Variants in MTERF4 observed in about 807,000 individuals in gnomAD.
MTERF4 encodes transcription termination factor 4, mitochondrial.
MTERF4 carries 17 observed loss-of-function variants against 22.5 expected under a neutral mutation model. The ratio of observed to expected loss-of-function variants is 0.75; its 90% CI spans 0.52 to 1.13. MTERF4 has a LOEUF of 1.13. MTERF4 is among the 50% of genes most tolerant of loss of function. The pLI is 0.00. For synonymous variants in MTERF4, 165 were observed against 175.3 expected (o/e 0.94, Z 0.47); for missense variants, 420 against 466.8 (o/e 0.90, Z 0.92).
chr2:241,066,497 G>A, the MTERF4 span, among the ~76,000 whole-genome samples: 2 of 152,236 alleles, frequency 1.3e-5, no homozygotes, highest in African/African-American at 4.8e-5. Context: ...GCAGGGCCAT[G>A]GGGCCATGGG....
At chr2:241,077,034 G>A (rs1385418055) in intron 4 of MTERF4, among the ~76,000 whole-genome samples, 1 of 151,440 alleles carries the variant, frequency 6.6e-6, no homozygotes, top group African/African-American at 2.4e-5. Flanking sequence ...AGCTGAGATT[G>A]CGCCACTGCA....
chr2:241,100,416 G>A (rs901012079), intron 1 of MTERF4, among the ~76,000 whole-genome samples: 2 of 152,090 alleles, frequency 1.3e-5, no homozygotes, highest in African/African-American at 4.8e-5. Flanking sequence ...AAGACCTTAT[G>A]AGGATCTACT....
the MTERF4 span, chr2:241,053,021 C>A: frequency 1.2e-6 from 1 of 842,542 alleles, no homozygotes; most frequent in Admixed American, 2.7e-5. Flanking sequence ...AGTCGAGGCA[C>A]CTTTCCCCGG....
At chr2:241,078,950 C>T (rs1311793594) in intron 4 of MTERF4, among the ~76,000 whole-genome samples, 1 of 150,548 alleles carries the variant, frequency 6.6e-6, no homozygotes, top group African/African-American at 2.4e-5. Context: ...CCTGTCTCTA[C>T]TAAAAATACA....
chr2:241,051,962 G>A, the MTERF4 span: 2 of 1,497,868 alleles, frequency 1.3e-6, no homozygotes, highest in Admixed American at 1.9e-5. This position sits in a 1 kb window ranked among gnomAD's most constrained non-coding sequence, Gnocchi z 4.7. Context: ...TGCTTCTCAT[G>A]AAGAGGCCCC....
At chr2:241,049,509 A>G in the MTERF4 span, among the ~76,000 whole-genome samples, 2 of 152,236 alleles carry the variant, frequency 1.3e-5, no homozygotes, top group African/African-American at 4.8e-5. Context: ...TGCATCACGT[A>G]TAGTTATATA....
the MTERF4 span, chr2:241,052,461 C>A: frequency 1.3e-6 from 2 of 1,596,890 alleles, no homozygotes; most frequent in Non-Finnish European, 1.7e-6. Context: ...GACGCCGGTG[C>A]CAGGCAGGTG....
chr2:241,052,422 C>T, the MTERF4 span: 1 of 1,607,922 alleles, frequency 6.2e-7, no homozygotes, highest in Non-Finnish European at 8.5e-7. Flanking sequence ...ACACGGATTT[C>T]TTCTGCCACT....
At chr2:241,087,854 G>A, downstream of MTERF4, 2 of 477,228 alleles carry the variant, frequency 4.2e-6, no homozygotes, top group East Asian at 6.8e-5. Flanking sequence ...TCCACAAAGG[G>A]TTCAAGGTAG....
At chr2:241,052,301 G>A in the MTERF4 span, 5 of 1,501,520 alleles carry the variant, frequency 3.3e-6, no homozygotes, top group South Asian at 6.2e-5. Flanking sequence ...GCCCCACACA[G>A]TCCCGAGCCT....
downstream of MTERF4, chr2:241,087,517 C>A (rs2063643171): frequency 6.4e-7 from 1 of 1,567,754 alleles, no homozygotes; most frequent in South Asian, 1.2e-5. Context: ...CTGCATGTAG[C>A]CCACAGGGTG....
Position 241,073,219 on chromosome 2 carries a change from G to T in MTERF4, n.2943C>A. 1 of 1,419,522 alleles carries T rather than the reference G, an allele frequency of 7.0e-7. No homozygotes were observed. Among genetic ancestry groups the T allele is most frequent in the Admixed American group, 2.0e-5 (1 of 50,314 alleles). 87.9% of individuals were successfully genotyped at this position (1,419,522 alleles called of 1,614,324 possible). A position where few individuals can be genotyped will look rare whatever the true frequency, so the allele number is the denominator to read the frequency against. Reference sequence around the variant, plus strand: ...AAAAGGGTGGCCCCAGGACCATCCCGGGTGCAAAGCAGCTGCGCCGTGTGG... The same window carrying T: ...AAAAGGGTGGCCCCAGGACCATCCCTGGTGCAAAGCAGCTGCGCCGTGTGG... On this transcript the variant is annotated non_coding_transcript_exon_variant, in exon 5 of 5. Transcript: ENST00000464344. This position sits in a 1 kb window ranked among gnomAD's most constrained non-coding sequence, Gnocchi z 6.6.
the MTERF4 span, among the ~76,000 whole-genome samples, chr2:241,045,873 A>T: frequency 6.6e-6 from 1 of 152,230 alleles, no homozygotes; most frequent in African/African-American, 2.4e-5. Context: ...AAGACAAGCT[A>T]CAGACCAGGA....
chr2:241,063,254 C>T, the MTERF4 span: 4 of 481,674 alleles, frequency 8.3e-6, no homozygotes, highest in East Asian at 3.9e-5. Context: ...TCTTGTACCT[C>T]GCTAGGGCTC....
chr2:241,089,233 G>T, downstream of MTERF4: 1 of 1,434,818 alleles, frequency 7.0e-7, no homozygotes, highest in South Asian at 1.4e-5. Context: ...TGAATCTCTG[G>T]TTGGCCTAGG....
Position 241,099,421 on chromosome 2 carries a change from G to C in MTERF4, c.495C>G (p.Tyr165Ter). The C allele has an allele frequency of 6.2e-7, 1 of 1,613,572 alleles. No individual in the cohort carries two copies. Residue 165 changes from tyrosine to a stop codon, truncating the protein, a stop_gained, in exon 2 of 4, where the codon TAC (tyrosine) becomes TAG (stop). Transcript: ENST00000391980. LOFTEE classifies it high-confidence loss of function. ...PIMQMRKRSS[Y>*]LQKLGLGEGK... ...CTTCTCCAAGCCCAAGCTTTTGCAG[G>C]TAACTGGAGCGCTTCCTCATTTGCA...
At chr2:241,065,899 C>T in the MTERF4 span, among the ~76,000 whole-genome samples, 1 of 129,182 alleles carries the variant, frequency 7.7e-6, no homozygotes, top group African/African-American at 2.9e-5. Context: ...GGGGGCTTCC[C>T]AAAAGGGTCC....
chr2:241,074,194 C>A (rs2062894406), exon 5 of MTERF4: 1 of 152,162 alleles, frequency 6.6e-6, no homozygotes, highest in African/African-American at 2.4e-5. Flanking sequence ...CAAGGCCTTG[C>A]CCCCAGCTTC....
At chr2:241,101,461 G>GCTGCA (rs2064704146) in intron 1 of MTERF4, among the ~76,000 whole-genome samples, 1 of 152,216 alleles carries the variant, frequency 6.6e-6, no homozygotes, top group Non-Finnish European at 1.5e-5. Context: ...TTCCTAATAG[G>GCTGCA]CAAGGGACGG....
Sources: allele counts gnomAD v4.1 joint callset (sites outside exome capture counted in the v4.1 genomes callset), GRCh38; gene constraint gnomAD v4.1.1; non-coding constraint Gnocchi (gnomAD v3.1); transcripts MANE v1.5; gene names NCBI Gene and HGNC (gene_info 2026-07-23, HGNC 2026-07-21).